The following CREB5 variants were observed in gnomAD, a reference collection of about 807,000 sequenced individuals.
The protein encoded by CREB5 is cyclic AMP-responsive element-binding protein 5.
Under a neutral mutation model 57.1 loss-of-function variants are expected in CREB5, and 19 were observed. That is an observed-to-expected ratio of 0.33 (90% confidence interval 0.23 to 0.49). CREB5 has a LOEUF of 0.49. Among genes scored for constraint, CREB5 ranks in the 20% least tolerant of loss-of-function variants. CREB5 has a pLI of 0.99. For missense variants in CREB5, 579 were observed against 671.6 expected (o/e 0.86, Z 1.52); for synonymous variants, 238 against 238.3 (o/e 1.00, Z 0.01).
chr7:28,552,458 C>A (rs1464379175), intron 4 of CREB5, among the ~76,000 whole-genome samples: 1 of 152,174 alleles, frequency 6.6e-6, no homozygotes, highest in African/African-American at 2.4e-5. Flanking sequence ...GTACACCATG[C>A]CCATCCCCTG....
At chr7:28,663,143 TC>T (rs1442092919) in intron 5 of CREB5, among the ~76,000 whole-genome samples, 78 of 55,080 alleles carry the variant, frequency 1.4e-3, no homozygotes, top group African/African-American at 6.0e-3. Context: ...AGATTCCATC[TC>T]AAAAAAAAAA....
intron 1 of CREB5, among the ~76,000 whole-genome samples, chr7:28,374,709 T>C (rs1285872647): frequency 1.3e-5 from 2 of 152,208 alleles, no homozygotes; most frequent in Non-Finnish European, 2.9e-5. Flanking sequence ...GGGTGTTCGC[T>C]GTTTGAAACA....
intron 4 of CREB5, among the ~76,000 whole-genome samples, chr7:28,559,607 G>T (rs1254576909): frequency 6.6e-6 from 1 of 152,176 alleles, no homozygotes; most frequent in Non-Finnish European, 1.5e-5. Context: ...GAGCCACCAC[G>T]CCCAGCCAAT....
At chr7:28,306,568 T>TTTTTTTTTTTTGTTTG (rs1785191302) in intron 1 of CREB5, among the ~76,000 whole-genome samples, 6 of 132,784 alleles carry the variant, frequency 4.5e-5, no homozygotes, top group South Asian at 2.6e-4. Flanking sequence ...TTTTTTTTTT[T>TTTTTTTTTTTTGTTTG]TTTTTTTTTT....
chr7:28,381,177 A>G (rs187593290), intron 1 of CREB5, among the ~76,000 whole-genome samples: 5 of 152,294 alleles, frequency 3.3e-5, no homozygotes, highest in Non-Finnish European at 7.4e-5. Context: ...ATTAATCAAG[A>G]TTAGGGTGAA....
At chr7:28,616,064 G>A (rs1296635517) in intron 5 of CREB5, among the ~76,000 whole-genome samples, 3 of 152,162 alleles carry the variant, frequency 2.0e-5, no homozygotes, top group Non-Finnish European at 4.4e-5. Context: ...TACAATCTGA[G>A]TATTCTGATT....
chr7:28,315,446 G>A (rs1218746686), intron 1 of CREB5, among the ~76,000 whole-genome samples: 1 of 152,228 alleles, frequency 6.6e-6, no homozygotes, highest in Non-Finnish European at 1.5e-5. Flanking sequence ...CAATGGGCAG[G>A]TGCCAGAGAA....
chr7:28,609,341 T>C (rs892238846), intron 5 of CREB5, among the ~76,000 whole-genome samples: 2 of 152,176 alleles, frequency 1.3e-5, no homozygotes, highest in Non-Finnish European at 2.9e-5. Context: ...CTTGTTGAAT[T>C]TCTGAGCCCT....
At chr7:28,348,373 C>G (rs1417950953) in intron 1 of CREB5, among the ~76,000 whole-genome samples, 2 of 114,938 alleles carry the variant, frequency 1.7e-5, no homozygotes, top group African/African-American at 6.2e-5. Context: ...CCTGCTTTCT[C>G]TCTCTCTCTG....
At chr7:28,659,913 A>G (rs944871778) in intron 5 of CREB5, among the ~76,000 whole-genome samples, 1 of 152,184 alleles carries the variant, frequency 6.6e-6, no homozygotes, top group Non-Finnish European at 1.5e-5. Flanking sequence ...AGGATTTTCT[A>G]GAAGACATAA....
chr7:28,395,476 C>T (rs901821170), intron 1 of CREB5, among the ~76,000 whole-genome samples: 11 of 152,318 alleles, frequency 7.2e-5, no homozygotes, highest in African/African-American at 2.2e-4. Context: ...ATTTCCTTCA[C>T]GATACAGCCT....
At chr7:28,344,748 G>A (rs960560401) in intron 1 of CREB5, among the ~76,000 whole-genome samples, 1 of 151,948 alleles carries the variant, frequency 6.6e-6, no homozygotes, top group Non-Finnish European at 1.5e-5. Flanking sequence ...AGATCCAATT[G>A]TATGCTGATT....
chr7:28,367,740 A>G (rs1015402645), intron 1 of CREB5, among the ~76,000 whole-genome samples: 2 of 152,192 alleles, frequency 1.3e-5, no homozygotes, highest in East Asian at 3.9e-4. Context: ...CCCGGGAGGC[A>G]GAATTTGCAG....
chr7:28,333,723 A>T (rs111781738), intron 1 of CREB5, among the ~76,000 whole-genome samples: 2 of 152,178 alleles, frequency 1.3e-5, no homozygotes, highest in African/African-American at 4.8e-5. Flanking sequence ...AAATGGTAGG[A>T]TCTCATTCTT....
At chr7:28,410,565 C>T (rs753019100), upstream of CREB5, 1 of 456,676 alleles carries the variant, frequency 2.2e-6, no homozygotes, top group South Asian at 1.5e-5. Context: ...TAGACCTTGT[C>T]CACACTCTCA....
intron 1 of CREB5, among the ~76,000 whole-genome samples, chr7:28,440,104 A>G (rs944430234): frequency 1.3e-5 from 2 of 152,226 alleles, no homozygotes; most frequent in Admixed American, 1.3e-4. Context: ...ACATTCCAAC[A>G]GGAAAACTTA....
At chr7:28,613,801 G>T (rs758160014) in intron 5 of CREB5, among the ~76,000 whole-genome samples, 4 of 152,144 alleles carry the variant, frequency 2.6e-5, no homozygotes, top group Non-Finnish European at 5.9e-5. Flanking sequence ...AATGGGTTCA[G>T]GGTGGCTTAG....
intron 7 of CREB5, among the ~76,000 whole-genome samples, chr7:28,733,131 AC>A (rs1803759290): frequency 6.6e-6 from 1 of 152,156 alleles, no homozygotes; most frequent in South Asian, 2.1e-4. Flanking sequence ...TTTTAATCCA[AC>A]TGTGGCCTTG....
intron 1 of CREB5, among the ~76,000 whole-genome samples, chr7:28,450,968 A>G (rs551042277): frequency 6.6e-6 from 1 of 152,326 alleles, no homozygotes; most frequent in East Asian, 1.9e-4. Context: ...CTAGGTCTAT[A>G]GAGGGGAACC....
Sources: gnomAD v4.1 joint callset for allele counts (sites outside exome capture counted in the v4.1 genomes callset) on GRCh38, gnomAD v4.1.1 for gene constraint, MANE v1.5 for transcripts, NCBI Gene and HGNC (gene_info 2026-07-23, HGNC 2026-07-21) for gene names.